The following AOAH variants were observed in gnomAD, a reference collection of about 807,000 sequenced individuals.
AOAH encodes acyloxyacyl hydrolase, also known as acyloxyacyl hydrolase (neutrophil).
A neutral mutation model predicts 92.2 loss-of-function variants in AOAH; 64 were observed. That is an observed-to-expected ratio of 0.69 (90% CI 0.57 to 0.86). The LOEUF is 0.86. Among genes scored for constraint, AOAH ranks in the 40% least tolerant of loss-of-function variants. The probability of loss-of-function intolerance (pLI) is 0.00; values close to 1 mark genes in which losing one functional copy is unlikely to be tolerated. For missense variants in AOAH, 656 were observed against 694.6 expected (o/e 0.94, Z 0.62); for synonymous variants, 263 against 254.5 (o/e 1.03, Z -0.32).
chr7:36,611,364 T>C (rs1791447014), intron 11 of AOAH, among the ~76,000 whole-genome samples: 1 of 152,220 alleles, frequency 6.6e-6, no homozygotes, highest in Non-Finnish European at 1.5e-5. Flanking sequence ...CTCACAGGCA[T>C]TTCTCAAAAC....
intron 4 of AOAH, among the ~76,000 whole-genome samples, chr7:36,650,341 G>A (rs1303059622): frequency 1.3e-5 from 2 of 152,172 alleles, no homozygotes; most frequent in Non-Finnish European, 2.9e-5. Flanking sequence ...CAATAGCTGA[G>A]GTTAAGTTGA....
chr7:36,634,339 A>G (rs960337797), intron 5 of AOAH, among the ~76,000 whole-genome samples: 21 of 152,138 alleles, frequency 1.4e-4, no homozygotes, highest in African/African-American at 4.8e-4. Flanking sequence ...CGGTTATGTT[A>G]TCTATAGATT....
intron 3 of AOAH, among the ~76,000 whole-genome samples, chr7:36,672,460 C>T (rs188418686): frequency 7.2e-4 from 109 of 152,304 alleles, no homozygotes; most frequent in African/African-American, 2.4e-3. Flanking sequence ...GATGAGTGCT[C>T]GTCCTTTGCA....
At position 36,513,314 on chromosome 7, in the gene AOAH, C is replaced by G; in HGVS notation, c.1666G>C (p.Gly556Arg). The G allele has an allele frequency of 7.4e-6, 12 of 1,614,170 alleles. No individual in the cohort carries two copies. Among genetic ancestry groups the G allele is most frequent in the Non-Finnish European group, 9.3e-6 (11 of 1,180,032 alleles). ...KVQLQWPQIL[G>R]KENPFNPQIK... is the part of the protein sequence containing the mutation. ...TGGGGGTTGAACGGATTCTCCTTTC[C>G]CAGGATTTGGGGCCACTGGAGCTGC... is the stretch of plus-strand genomic sequence containing the variant. Residue 556 changes from glycine to arginine, a missense_variant, in exon 21 of 21, where the codon GGA (glycine) becomes CGA (arginine). Transcript: ENST00000617537.
intron 4 of AOAH, among the ~76,000 whole-genome samples, chr7:36,648,483 A>G (rs888555326): frequency 5.3e-5 from 8 of 151,860 alleles, no homozygotes; most frequent in African/African-American, 1.9e-4. Context: ...ATTGTGTGGC[A>G]TATTACAAAA....
Position 36,647,812 on chromosome 7 carries a change from TG to T in AOAH, c.391-9903del, listed in dbSNP as rs1216600890. ...CATAAATCCAGACATAGCATTCCAA[TG>T]CCATCTTCAGTTCCCTTAGAGTTCT... is the stretch of plus-strand genomic sequence containing the variant. On this transcript the variant is annotated intron_variant, in intron 4 of 20. Transcript: ENST00000617537. Among the ~76,000 whole-genome samples, 6 of 151,694 alleles carry T rather than the reference TG, an allele frequency of 4.0e-5. No homozygotes were observed. In the South Asian group the frequency reaches 1.0e-3, roughly 26 times the overall value.
At chr7:36,720,428 C>T (rs895868556) in intron 1 of AOAH, among the ~76,000 whole-genome samples, 4 of 152,076 alleles carry the variant, frequency 2.6e-5, no homozygotes, top group Non-Finnish European at 5.9e-5. Context: ...ACCTCAGCAT[C>T]CCAAAGTGCT....
intron 1 of AOAH, among the ~76,000 whole-genome samples, chr7:36,704,940 A>AC (rs923470569): frequency 9.9e-5 from 15 of 152,190 alleles, no homozygotes; most frequent in African/African-American, 3.6e-4. Context: ...ATAAAATTCA[A>AC]CACCCCTTCA....
chr7:36,662,712 C>CT (rs1795293679), intron 3 of AOAH, among the ~76,000 whole-genome samples: 5 of 152,296 alleles, frequency 3.3e-5, no homozygotes, highest in Admixed American at 3.3e-4. Flanking sequence ...GACCCATTCT[C>CT]TTTTTCCTCC....
At chr7:36,703,615 A>G (rs965277516) in intron 1 of AOAH, among the ~76,000 whole-genome samples, 3 of 151,452 alleles carry the variant, frequency 2.0e-5, no homozygotes, top group Admixed American at 1.3e-4. Flanking sequence ...TCATTGTTCA[A>G]CTCTCACTTA....
At chr7:36,707,831 TTTTTCTTTTC>T (rs142629080) in intron 1 of AOAH, among the ~76,000 whole-genome samples, 90,502 of 151,166 alleles carry the variant, frequency 0.6, 27,388 homozygotes, top group East Asian at 0.83. Flanking sequence ...TAGGCTAATG[TTTTTCTTTTC>T]TTTTCTTTTC....
intron 13 of AOAH, among the ~76,000 whole-genome samples, chr7:36,565,792 C>T (rs976428559): frequency 6.6e-6 from 1 of 152,004 alleles, no homozygotes; most frequent in Non-Finnish European, 1.5e-5. Flanking sequence ...CTACCTGCTT[C>T]GGCTTCCCAA....
chr7:36,666,827 A>T (rs1413952205), intron 3 of AOAH, among the ~76,000 whole-genome samples: 1 of 152,134 alleles, frequency 6.6e-6, no homozygotes. Flanking sequence ...TCTTAGGTTC[A>T]TATGTTATTT....
At chr7:36,703,794 G>C (rs1182907580) in intron 1 of AOAH, among the ~76,000 whole-genome samples, 2 of 152,150 alleles carry the variant, frequency 1.3e-5, no homozygotes, top group African/African-American at 2.4e-5. Flanking sequence ...CTTTATAGTA[G>C]AATGACTTAT....
At chr7:36,630,847 G>A (rs1291267531) in intron 6 of AOAH, among the ~76,000 whole-genome samples, 1 of 152,182 alleles carries the variant, frequency 6.6e-6, no homozygotes, top group Non-Finnish European at 1.5e-5. Flanking sequence ...GCACCTGGGG[G>A]TGTATCTTGG....
intron 1 of AOAH, among the ~76,000 whole-genome samples, chr7:36,698,962 C>T (rs1300711402): frequency 2.0e-5 from 3 of 152,004 alleles, no homozygotes; most frequent in Non-Finnish European, 4.4e-5. Flanking sequence ...ATTCTCCCCT[C>T]CCCCTATTCT....
chr7:36,695,971 A>C (rs994902974), intron 1 of AOAH, among the ~76,000 whole-genome samples: 1 of 152,220 alleles, frequency 6.6e-6, no homozygotes, highest in African/African-American at 2.4e-5. Flanking sequence ...TGAAATAAGT[A>C]TCTAAGTTCT....
intron 13 of AOAH, among the ~76,000 whole-genome samples, chr7:36,550,914 C>T (rs1433616603): frequency 1.3e-5 from 2 of 152,106 alleles, no homozygotes; most frequent in African/African-American, 4.8e-5. Context: ...CTCACTGAAG[C>T]TGTGTAGCTA....
At chr7:36,720,083 G>A (rs3935953) in intron 1 of AOAH, among the ~76,000 whole-genome samples, 52,529 of 151,928 alleles carry the variant, frequency 0.35, 9,950 homozygotes, top group East Asian at 0.52. Context: ...TGAGATAACT[G>A]AAGCTTCCTT....
Sources: allele counts gnomAD v4.1 joint callset (sites outside exome capture counted in the v4.1 genomes callset), GRCh38; gene constraint gnomAD v4.1.1; transcripts MANE v1.5; gene names NCBI Gene and HGNC (gene_info 2026-07-23, HGNC 2026-07-21).